The following CPNE4 variants were observed in gnomAD, a reference collection of about 807,000 sequenced individuals.
CPNE4 encodes copine-4.
Under a neutral mutation model 67.9 loss-of-function variants are expected in CPNE4, and 25 were observed. The observed-to-expected ratio is 0.37, with a 90% CI of 0.27 to 0.51. CPNE4 has a LOEUF of 0.51. Ranked by LOEUF, CPNE4 falls within the 20% of genes least tolerant of loss-of-function variation. The pLI, the probability that CPNE4 is intolerant of heterozygous loss-of-function variation, is 0.93. For synonymous variants in CPNE4, 242 were observed against 244.9 expected (o/e 0.99, Z 0.11); for missense variants, 464 against 690.8 (o/e 0.67, Z 3.68).
intron 7 of CPNE4, among the ~76,000 whole-genome samples, chr3:131,655,736 T>C (rs973969923): frequency 2.0e-5 from 3 of 152,182 alleles, no homozygotes; most frequent in African/African-American, 4.8e-5. Context: ...TTCTCACCCA[T>C]TTTAAGACTT....
chr3:131,725,155 G>A (rs937350195), intron 2 of CPNE4, among the ~76,000 whole-genome samples: 2 of 152,206 alleles, frequency 1.3e-5, no homozygotes, highest in Non-Finnish European at 2.9e-5. Context: ...TCAATAAAGG[G>A]AAAGCAGTTC....
intron 1 of CPNE4, among the ~76,000 whole-genome samples, chr3:132,001,897 A>G (rs2073461132): frequency 6.6e-6 from 1 of 152,122 alleles, no homozygotes; most frequent in African/African-American, 2.4e-5. Context: ...TAACCAATAT[A>G]CAACAAAATT....
At chr3:131,824,346 A>G (rs1269825738) in intron 2 of CPNE4, among the ~76,000 whole-genome samples, 1 of 152,222 alleles carries the variant, frequency 6.6e-6, no homozygotes, top group Non-Finnish European at 1.5e-5. Context: ...CTCAAAGATT[A>G]AAAAAGAACT....
intron 2 of CPNE4, among the ~76,000 whole-genome samples, chr3:131,790,849 C>G (rs577608511): frequency 6.6e-6 from 1 of 152,266 alleles, no homozygotes; most frequent in South Asian, 2.1e-4. Context: ...CCCCTTCAAA[C>G]AGTATTTCCA....
chr3:131,960,637 C>A (rs920387674), intron 1 of CPNE4, among the ~76,000 whole-genome samples: 3 of 152,178 alleles, frequency 2.0e-5, no homozygotes, highest in Non-Finnish European at 4.4e-5. Context: ...GATATTCCCT[C>A]AGGTCCTGCA....
At chr3:131,843,247 A>G (rs2085865231) in intron 2 of CPNE4, among the ~76,000 whole-genome samples, 1 of 152,190 alleles carries the variant, frequency 6.6e-6, no homozygotes, top group African/African-American at 2.4e-5. Flanking sequence ...GGGGAAGAGG[A>G]GGCAGTTGCT....
intron 2 of CPNE4, among the ~76,000 whole-genome samples, chr3:131,887,967 C>A (rs1480511937): frequency 6.6e-6 from 1 of 152,200 alleles, no homozygotes; most frequent in African/African-American, 2.4e-5. Flanking sequence ...GGTGCTCCAA[C>A]TGGAAGTCCT....
intron 1 of CPNE4, among the ~76,000 whole-genome samples, chr3:132,030,720 T>C (rs534882601): frequency 3.9e-5 from 6 of 152,282 alleles, no homozygotes; most frequent in Admixed American, 2.6e-4. Flanking sequence ...ATATATCCAA[T>C]ATATCACATA....
chr3:131,812,932 A>G (rs1442006145), intron 2 of CPNE4, among the ~76,000 whole-genome samples: 1 of 152,220 alleles, frequency 6.6e-6, no homozygotes, highest in Non-Finnish European at 1.5e-5. Context: ...GTAATCCTAT[A>G]TCTGGGCATA....
At chr3:131,755,134 A>G (rs986267677) in intron 2 of CPNE4, among the ~76,000 whole-genome samples, 1 of 152,050 alleles carries the variant, frequency 6.6e-6, no homozygotes, top group Admixed American at 6.6e-5. Flanking sequence ...ATTTATATGC[A>G]TTACTTTTTC....
chr3:131,555,443 A>C lies in CPNE4; in HGVS notation c.1116+54T>G, dbSNP rs1936408382. 2.0e-6 allele frequency: 3 copies of C among 1,519,730 alleles called. No homozygotes were observed. In the East Asian group the frequency reaches 6.8e-5, roughly 34 times the overall value. 94.1% of individuals were successfully genotyped at this position (1,519,730 alleles called of 1,614,324 possible). On this transcript the variant is annotated intron_variant, in intron 12 of 15. Transcript: ENST00000429747. ...GTGAGACTGCTGCAAAGAAGAGCCAAGTTATCCTTTGACCACAGTGAAGTG... is the reference window on the plus strand; with the variant it reads ...GTGAGACTGCTGCAAAGAAGAGCCACGTTATCCTTTGACCACAGTGAAGTG...
At chr3:131,536,522 G>C (rs1935154952) in intron 15 of CPNE4, among the ~76,000 whole-genome samples, 1 of 152,184 alleles carries the variant, frequency 6.6e-6, no homozygotes, top group Non-Finnish European at 1.5e-5. Context: ...ATGTGACCTG[G>C]TTTTCAGTTT....
intron 7 of CPNE4, among the ~76,000 whole-genome samples, chr3:131,625,228 T>C (rs2079045184): frequency 6.6e-6 from 1 of 152,186 alleles, no homozygotes; most frequent in Non-Finnish European, 1.5e-5. Flanking sequence ...AACTATTATT[T>C]AAAGAAACAT....
At chr3:131,657,860 G>A (rs1018476940) in intron 7 of CPNE4, among the ~76,000 whole-genome samples, 13 of 151,868 alleles carry the variant, frequency 8.6e-5, no homozygotes, top group African/African-American at 2.9e-4. Flanking sequence ...TACCGTGCCC[G>A]GCCGAATTAT....
rs148520945 is a variant in CPNE4, at chr3:131,586,317, C to A, written c.780+1167G>T. 3.9e-3 allele frequency among the ~76,000 whole-genome samples: 601 copies of A among 152,166 alleles called. 5 individuals carry two copies. The highest frequency in any genetic ancestry group is 0.013 in the African/African-American group (548 of 41,502). ...AGGCAAGAATATAAGTGCAAGTAGG[C>A]CATCTGGGAGGTGATACCAGGAAGC... On this transcript the variant is annotated intron_variant, in intron 8 of 15. Coordinates refer to ENST00000429747, the MANE Select transcript of CPNE4 (RefSeq NM_130808.3).
At chr3:131,984,895 T>C (rs1222032878) in intron 1 of CPNE4, among the ~76,000 whole-genome samples, 4 of 152,222 alleles carry the variant, frequency 2.6e-5, no homozygotes, top group Non-Finnish European at 4.4e-5. Context: ...TGTGTGGTAA[T>C]CCACTCCTTG....
intron 2 of CPNE4, among the ~76,000 whole-genome samples, chr3:131,866,344 G>A (rs550744867): frequency 5.9e-5 from 9 of 152,320 alleles, no homozygotes; most frequent in South Asian, 2.1e-4. Flanking sequence ...TGCTAGGGCT[G>A]AGGCCTCCGG....
At chr3:131,812,220 G>GA (rs34281349) in intron 2 of CPNE4, among the ~76,000 whole-genome samples, 30,661 of 134,938 alleles carry the variant, frequency 0.23, 3,664 homozygotes, top group East Asian at 0.33. Context: ...AAAATTGGAA[G>GA]AAAAAAAAAA....
At chr3:131,928,140 G>A (rs1225042) in intron 1 of CPNE4, among the ~76,000 whole-genome samples, 65,452 of 151,928 alleles carry the variant, frequency 0.43, 14,277 homozygotes, top group Non-Finnish European at 0.45. Flanking sequence ...TTTTATATCA[G>A]AGAAACAGGA....
Sources: allele counts gnomAD v4.1 joint callset (sites outside exome capture counted in the v4.1 genomes callset), GRCh38; gene constraint gnomAD v4.1.1; transcripts MANE v1.5; gene names NCBI Gene and HGNC (gene_info 2026-07-23, HGNC 2026-07-21).